CDC42BPA: variants seen among roughly 807,000 people sequenced by gnomAD.
The protein encoded by CDC42BPA is CDC42 binding protein kinase alpha.
A neutral mutation model predicts 223.5 loss-of-function variants in CDC42BPA; 80 were observed. That is an observed-to-expected ratio of 0.36 (90% CI 0.30 to 0.43). The LOEUF (loss-of-function observed/expected upper bound fraction) is 0.43. Among genes scored for constraint, CDC42BPA ranks in the 20% least tolerant of loss-of-function variants. The pLI is 1.00. For synonymous variants in CDC42BPA, 694 were observed against 718.6 expected (o/e 0.97, Z 0.55); for missense variants, 1,743 against 2,099.9 (o/e 0.83, Z 3.32).
At chr1:227,209,341 C>A (rs991119560) in intron 3 of CDC42BPA, among the ~76,000 whole-genome samples, 2 of 144,840 alleles carry the variant, frequency 1.4e-5, no homozygotes, top group Admixed American at 1.4e-4. Context: ...AATTGAATAC[C>A]CTTTATTTCC....
At position 227,317,033 on chromosome 1, in the gene CDC42BPA, C is replaced by G; in HGVS notation, c.150G>C (p.Glu50Asp). The G allele has an allele frequency of 6.2e-7, 1 of 1,613,606 alleles. No homozygotes were observed. Among genetic ancestry groups the G allele is most frequent in the South Asian group, 1.1e-5 (1 of 91,008 alleles). ...DECNNSPLRREKNILEYLEWA... is the reference protein window; with the variant it reads ...DECNNSPLRRDKNILEYLEWA... ...ATTCTAGGTATTCGAGAATGTTCTT[C>G]TCTCTTCTCAATGGAGAATTATTGC... Residue 50 changes from glutamate to aspartate, a missense_variant, in exon 1 of 37, where the codon GAG becomes GAC. Glu to Asp is a conservative substitution (Grantham distance 45). Around this residue, in one of 6 missense-constraint regions of CDC42BPA, gnomAD observed 321 missense variants for 488.7 expected, o/e 0.66. Coordinates refer to ENST00000366766, the MANE Select transcript of CDC42BPA (RefSeq NM_001394014.1).
chr1:227,046,258 C>A (rs577955820), intron 23 of CDC42BPA, among the ~76,000 whole-genome samples: 1 of 152,124 alleles, frequency 6.6e-6, no homozygotes, highest in East Asian at 1.9e-4. Context: ...AAGAAAGGAC[C>A]TAGCCATCTC....
chr1:227,101,056 G>A lies in CDC42BPA; in HGVS notation c.2185C>T (p.Gln729Ter). 6.4e-7 allele frequency: 1 copy of A among 1,567,882 alleles called. No homozygotes were observed. The highest frequency in any genetic ancestry group is 1.4e-5 in the African/African-American group (1 of 74,006). The stretch of plus-strand genomic sequence containing the variant: ...ATAATTTCTTTGTTGAGAGCAAGTT[G>A]CTGACCTTCTGAATCATGCAGTTCT... ...KKELHDSEGQ[Q>*]LALNKEIMIL... Residue 729 changes from glutamine (Q) to a stop codon, truncating the protein, a stop_gained, in exon 15 of 37, where the codon CAA becomes TAA. Transcript: ENST00000366766. LOFTEE classifies it high-confidence loss of function.
intron 6 of CDC42BPA, among the ~76,000 whole-genome samples, chr1:227,154,004 ATGAATGCCAGG>A (rs1225862816): frequency 2.0e-5 from 3 of 151,942 alleles, no homozygotes; most frequent in Non-Finnish European, 4.4e-5. Flanking sequence ...AATGTCATGT[ATGAATGCCAGG>A]TAACAATACT....
At chr1:227,218,284 C>T (rs960668729) in intron 2 of CDC42BPA, among the ~76,000 whole-genome samples, 3 of 152,208 alleles carry the variant, frequency 2.0e-5, no homozygotes, top group Admixed American at 6.5e-5. Context: ...TAACAGGCAT[C>T]GAAGTCCTGA....
At position 227,213,224 on chromosome 1, in the gene CDC42BPA, A is replaced by G. The variant is rs971025199; in HGVS notation, c.271-5T>C. 1 of 1,379,930 alleles carries G rather than the reference A, an allele frequency of 7.2e-7. No individual in the cohort carries two copies. The highest frequency in any genetic ancestry group is 1.0e-6 in the Non-Finnish European group (1 of 988,534). 85.5% of individuals were successfully genotyped at this position (1,379,930 alleles called of 1,614,324 possible). ...TTTTAGTTTTACTACAGCAACCTAG[A>G]AAAGATAAAGGAAATATAAATTTTA... On this transcript the variant is annotated splice_polypyrimidine_tract_variant and splice_region_variant and intron_variant, in intron 2 of 36. Transcript: ENST00000366766.
intron 1 of CDC42BPA, among the ~76,000 whole-genome samples, chr1:227,280,417 G>T (rs948858791): frequency 6.6e-6 from 1 of 152,224 alleles, no homozygotes; most frequent in Non-Finnish European, 1.5e-5. Flanking sequence ...AGATGGGTGA[G>T]AAATATGCCT....
chr1:227,165,710 A>G (rs1452448072), intron 5 of CDC42BPA, among the ~76,000 whole-genome samples: 1 of 152,174 alleles, frequency 6.6e-6, no homozygotes, highest in Non-Finnish European at 1.5e-5. Context: ...AAGGCAGGCA[A>G]AAGAAGTCTT....
At chr1:227,140,798 A>G (rs973269268) in intron 9 of CDC42BPA, among the ~76,000 whole-genome samples, 3 of 152,176 alleles carry the variant, frequency 2.0e-5, no homozygotes, top group African/African-American at 7.2e-5. Flanking sequence ...GTGGGTGGTT[A>G]AGACAGATTT....
chr1:227,135,855 CAAAAAAAAAAAAAAAAAAAAAAAAAA>C (rs1175091904), intron 10 of CDC42BPA, among the ~76,000 whole-genome samples: 1 of 6,578 alleles, frequency 1.5e-4, no homozygotes, highest in Non-Finnish European at 3.4e-4. Context: ...CTCTGTCTCC[CAAAAAAAAAAAAAAAAAAAAAAAAAA>C]AAAAAAAAAA....
At chr1:227,224,789 T>C (rs1243648960) in intron 2 of CDC42BPA, among the ~76,000 whole-genome samples, 1 of 152,254 alleles carries the variant, frequency 6.6e-6, no homozygotes, top group Non-Finnish European at 1.5e-5. Context: ...AGTCCTCTTC[T>C]AGAAATTTAT....
intron 1 of CDC42BPA, among the ~76,000 whole-genome samples, chr1:227,307,880 GATAT>G (rs1692829983): frequency 6.6e-6 from 1 of 152,150 alleles, no homozygotes; most frequent in Admixed American, 6.5e-5. Flanking sequence ...GCAGATTGGA[GATAT>G]ATAAATATAA....
At chr1:227,142,892 A>T in intron 9 of CDC42BPA, 53 bp downstream of exon 9, 1 of 1,238,426 alleles carries the variant, frequency 8.1e-7, no homozygotes, top group Non-Finnish European at 1.1e-6. Context: ...TGTTGGGATT[A>T]CAGGCGTGAG....
At position 226,994,813 on chromosome 1, in the gene CDC42BPA, GC is replaced by G; in HGVS notation, c.5133+9del. 6.2e-7 allele frequency: 1 copy of G among 1,603,574 alleles called. No homozygotes were observed. Among genetic ancestry groups the G allele is most frequent in the African/African-American group, 1.3e-5 (1 of 74,676 alleles). On this transcript the variant is annotated intron_variant, in intron 36 of 36. Transcript: ENST00000366766. The surrounding 1 kb of genome is among the most constrained non-coding windows in gnomAD (Gnocchi z 4.0). The stretch of plus-strand genomic sequence containing the variant: ...TGATACATGACGTCTCCGGAACCCT[GC>G]CCACTCACCTCTCCGTCAAAGTCCC...
At chr1:227,310,768 G>GCT (rs112746919) in intron 1 of CDC42BPA, among the ~76,000 whole-genome samples, 22,458 of 150,400 alleles carry the variant, frequency 0.15, 2,033 homozygotes, top group African/African-American at 0.24. Context: ...CTCACTGCAA[G>GCT]CTCTGACTCC....
intron 20 of CDC42BPA, among the ~76,000 whole-genome samples, chr1:227,071,403 T>A (rs1257617677): frequency 1.3e-5 from 2 of 151,898 alleles, no homozygotes; most frequent in Non-Finnish European, 2.9e-5. Flanking sequence ...TTTAAAAATA[T>A]CTGAATTTCT....
At chr1:227,112,646 C>T (rs370671299) in intron 13 of CDC42BPA, 25 bp downstream of exon 13, 8 of 1,610,062 alleles carry the variant, frequency 5.0e-6, no homozygotes, top group Non-Finnish European at 6.8e-6. Context: ...CCCATGGGCA[C>T]TACAAAATTT....
chr1:227,316,814 A>G (rs1694480269), intron 1 of CDC42BPA, among the ~76,000 whole-genome samples, 191 bp downstream of exon 1: 1 of 152,236 alleles, frequency 6.6e-6, no homozygotes, highest in South Asian at 2.1e-4. Context: ...CAAGGCAACA[A>G]TTGAGCAGCA....
intron 32 of CDC42BPA, among the ~76,000 whole-genome samples, chr1:227,017,356 C>A (rs947268591): frequency 1.3e-5 from 2 of 152,126 alleles, no homozygotes; most frequent in African/African-American, 4.8e-5. Context: ...TCAGCCACCC[C>A]ACCCCAGTAT....
Sources: gnomAD v4.1 joint callset for allele counts (sites outside exome capture counted in the v4.1 genomes callset) on GRCh38, gnomAD v4.1.1 for gene constraint, gnomAD v4.1.1 regional missense constraint, Gnocchi (gnomAD v3.1) non-coding constraint, MANE v1.5 for transcripts, NCBI Gene and HGNC (gene_info 2026-07-23, HGNC 2026-07-21) for gene names.